Variants in NEURL2 observed in about 807,000 individuals in gnomAD.
NEURL2 encodes the protein neuralized-like protein 2.
In NEURL2, 16 loss-of-function variants were observed where a neutral mutation model predicts 15.9. The observed-to-expected ratio is 1.01, with a 90% CI of 0.68 to 1.53. The LOEUF (loss-of-function observed/expected upper bound fraction) is 1.53, where lower values mean the gene tolerates loss of function less well. Among genes scored for constraint, NEURL2 ranks in the 40% most tolerant of loss-of-function variants. NEURL2 has a pLI of 0.00. For synonymous variants in NEURL2, 188 were observed against 178.3 expected, an observed-to-expected ratio of 1.05 and a Z score of -0.43; for missense variants, 393 against 407.8, an observed-to-expected ratio of 0.96 and a Z score of 0.31.
At position 45,889,249 on chromosome 20, in the gene NEURL2, A is replaced by G. The variant is rs147976936; in HGVS notation, c.743-376T>C. Among the ~76,000 whole-genome samples the G allele has an allele frequency of 3.3e-3, 505 of 152,332 alleles. 4 individuals are homozygous for G. The highest frequency in any genetic ancestry group is 4.1e-3 in the Non-Finnish European group (277 of 68,024). On this transcript the variant is annotated intron_variant, in intron 1 of 1. Coordinates refer to ENST00000372518, the MANE Select transcript of NEURL2 (RefSeq NM_080749.4). ...TATAACTGCAATGCTTACCAGGGCT[A>G]TAATGAATCATACTCAGCATTAAGA...
intron 1 of NEURL2, 184 bp downstream of exon 1, chr20:45,890,066 A>G: frequency 1.6e-6 from 1 of 636,590 alleles, no homozygotes; most frequent in Non-Finnish European, 2.7e-6. Flanking sequence ...CAAGATAGGT[A>G]CCAAGGCCCA....
chr20:45,890,433 G>A lies in NEURL2; in HGVS notation c.559C>T (p.Arg187Cys). 1.2e-6 allele frequency: 2 copies of A among 1,610,570 alleles called. No homozygotes were observed. The highest frequency in any genetic ancestry group is 1.7e-6 in the Non-Finnish European group (2 of 1,178,544). Residue 187 changes from arginine (R) to cysteine (C), a missense_variant, in exon 1 of 2, where the codon CGT (arginine) becomes TGT (cysteine). Transcript: ENST00000372518. ...CAAAAGAGGACACCCAGGCGGCTAC[G>A]GCGCGCGGTCGGAGGCAGCACGTTC... ...ELNVLPPTARRSRLGVLFCPR... is the reference protein window; with the variant it reads ...ELNVLPPTARCSRLGVLFCPR...
rs758984311 is a variant in NEURL2 at position 45,890,437 on chromosome 20, C to T, written c.555G>A (p.Ala185=). 2.9e-5 allele frequency: 46 copies of T among 1,609,602 alleles called. 2 individuals are homozygous for T. The South Asian group carries it at 3.6e-4, about 13-fold the overall frequency. ...LYELNVLPPT[A]RRSRLGVLFC... is the part of the protein sequence containing the mutation. ...AGAGGACACCCAGGCGGCTACGGCG[C>T]GCGGTCGGAGGCAGCACGTTCAGCT... The change falls in exon 1 of 2, where the codon GCG becomes GCA. Residue 185 remains alanine (A), a synonymous_variant. Transcript: ENST00000372518.
chr20:45,890,198 G>C, intron 1 of NEURL2, 52 bp downstream of exon 1: 1 of 1,607,644 alleles, frequency 6.2e-7, no homozygotes, highest in Non-Finnish European at 8.5e-7. Context: ...AGCCCTAGTA[G>C]ATTCCAGTCC....
In NEURL2 at chr20:45,890,632, G is replaced by A. The variant is rs1986740953; in HGVS notation, c.360C>T (p.Asn120=). The A allele has an allele frequency of 1.2e-6, 2 of 1,613,150 alleles. No homozygotes were observed. The highest frequency in any genetic ancestry group is 1.7e-5 in the Admixed American group (1 of 59,980). The change falls in exon 1 of 2, where the codon AAC becomes AAT. Residue 120 remains asparagine, a synonymous_variant. Coordinates refer to ENST00000372518, the MANE Select transcript of NEURL2 (RefSeq NM_080749.4). The part of the protein sequence containing the change: ...TWVFAITRHH[N]RVPREGRPEA... ...CCGGGCGGCCCTCCCGGGGCACGCGGTTGTGGTGGCGCGTGATGGCGAAGA... is the reference window on the plus strand; with the variant it reads ...CCGGGCGGCCCTCCCGGGGCACGCGATTGTGGTGGCGCGTGATGGCGAAGA...
chr20:45,889,777 C>T (rs1986660983), intron 1 of NEURL2, among the ~76,000 whole-genome samples: 2 of 152,132 alleles, frequency 1.3e-5, no homozygotes, highest in African/African-American at 4.8e-5. Context: ...CCACACCCAG[C>T]TACTTTTTGT....
intron 1 of NEURL2, 65 bp downstream of exon 1, chr20:45,890,185 C>A (rs1171463644): frequency 1.9e-6 from 3 of 1,587,144 alleles, no homozygotes; most frequent in Non-Finnish European, 2.6e-6. Context: ...ACATGGGCTA[C>A]GGAGCCCTAG....
At position 45,891,177 on chromosome 20, in the gene NEURL2, A is replaced by G. The variant is rs970948938; in HGVS notation, c.-186T>C. ...CAACTTAGCCGTCCACAACAGGATC[A>G]TCTGATCGCGTGCGCCCGGGCTACG... On this transcript the variant is annotated 5_prime_UTR_variant, in exon 1 of 2. The change abolishes an upstream ATG in the 5' untranslated region. Transcript: ENST00000372518. The surrounding 1 kb of genome is among the most constrained non-coding windows in gnomAD (Gnocchi z 4.6). The G allele has an allele frequency of 7.1e-5, 73 of 1,034,056 alleles. No homozygotes were observed. The African/African-American group carries it at 8.7e-4, about 12-fold the overall frequency. 64.1% of individuals were successfully genotyped at this position (1,034,056 alleles called of 1,614,324 possible). A position where few individuals can be genotyped will look rare whatever the true frequency, so the allele number is the denominator to read the frequency against.
rs530672133 is a variant in NEURL2, at chr20:45,890,451, G to A, written c.541C>T (p.Leu181=). The A allele has an allele frequency of 1.7e-5, 28 of 1,606,886 alleles. No homozygotes were observed. In the South Asian group the frequency reaches 2.4e-4, roughly 14 times the overall value. The change falls in exon 1 of 2, where the codon CTG becomes TTG. Residue 181 remains leucine (L), a synonymous_variant. Coordinates refer to ENST00000372518, the MANE Select transcript of NEURL2 (RefSeq NM_080749.4). ...LLDQLYELNV[L]PPTARRSRLG... ...CGGCTACGGCGCGCGGTCGGAGGCA[G>A]CACGTTCAGCTCATAGAGCTGGTCC... is the stretch of plus-strand genomic sequence containing the variant.
In NEURL2 at chr20:45,890,250, A is replaced by G. The variant is rs1986694237; in HGVS notation, c.742T>C (p.Leu248=). 6.2e-7 allele frequency: 1 copy of G among 1,613,760 alleles called. No individual in the cohort carries two copies. Among genetic ancestry groups the G allele is most frequent in the Non-Finnish European group, 8.5e-7 (1 of 1,180,034 alleles). The part of the protein sequence containing the change: ...SVRLVQLEYG[L]PSLQTLCRLV... ...GGGGTCGCTGCCCAGGGATACCTAC[A>G]GCCATACTCGAGCTGGACAAGGCGC... The change falls in exon 1 of 2, where the codon TTG becomes CTG. Residue 248 remains leucine (L), a splice_region_variant and synonymous_variant. Coordinates refer to ENST00000372518, the MANE Select transcript of NEURL2 (RefSeq NM_080749.4).
rs775665320 is a variant in NEURL2 at position 45,890,807 on chromosome 20, G to A, written c.185C>T (p.Pro62Leu). Residue 62 changes from proline to leucine, a missense_variant, in exon 1 of 2, where the codon CCG (proline) becomes CTG (leucine). Pro to Leu is a moderately conservative substitution (Grantham distance 98). Coordinates refer to ENST00000372518, the MANE Select transcript of NEURL2 (RefSeq NM_080749.4). The part of the protein sequence containing the change: ...GVCFSREPLA[P>L]GQVFLVEIEE... ...GATCTCGACCAGGAAGACCTGGCCC[G>A]GGGCCAGCGGCTCGCGGCTGAAGCA... The A allele has an allele frequency of 1.6e-5, 25 of 1,592,264 alleles. No individual in the cohort carries two copies. In the South Asian group the frequency reaches 2.2e-4, roughly 14 times the overall value.
chr20:45,889,222 G>C (rs553446872), intron 1 of NEURL2, among the ~76,000 whole-genome samples: 24 of 152,282 alleles, frequency 1.6e-4, no homozygotes, highest in African/African-American at 5.5e-4. Flanking sequence ...TGTGATGAGA[G>C]GTATAACTGC....
At position 45,890,381 on chromosome 20, in the gene NEURL2, A is replaced by G. The variant is rs142373830; in HGVS notation, c.611T>C (p.Met204Thr). ...FCPRPDGTAD[M>T]HIIINGEDMG... is the part of the protein sequence containing the mutation. ...GTCCTCGCCGTTGATGATGATGTGC[A>G]TGTCGGCCGTGCCATCGGGGCGCGG... Residue 204 changes from methionine to threonine, a missense_variant, in exon 1 of 2, where the codon ATG becomes ACG. By Grantham distance (81) the Met-to-Thr change is moderately conservative. Transcript: ENST00000372518. The G allele has an allele frequency of 2.4e-4, 389 of 1,612,830 alleles. 1 individual carries two copies. The African/African-American group carries it at 4.1e-3, about 17-fold the overall frequency.
chr20:45,891,126 C>A lies in NEURL2; in HGVS notation c.-135G>T. Reference sequence around the variant, plus strand: ...CCGAGCCTCTGCCCGGGGGTCCTAGCGCCGCTTTCTCAGCCATCCCGCCTA... The same window carrying A: ...CCGAGCCTCTGCCCGGGGGTCCTAGAGCCGCTTTCTCAGCCATCCCGCCTA... On this transcript the variant is annotated 5_prime_UTR_variant, in exon 1 of 2. Coordinates refer to ENST00000372518, the MANE Select transcript of NEURL2 (RefSeq NM_080749.4). The surrounding 1 kb of genome is among the most constrained non-coding windows in gnomAD (Gnocchi z 4.6). The A allele has an allele frequency of 1.8e-6, 2 of 1,084,640 alleles. No homozygotes were observed. The highest frequency in any genetic ancestry group is 1.3e-6 in the Non-Finnish European group (1 of 763,234). 67.2% of individuals were successfully genotyped at this position (1,084,640 alleles called of 1,614,324 possible).
chr20:45,889,211 A>G (rs966128923), intron 1 of NEURL2, among the ~76,000 whole-genome samples: 18 of 152,186 alleles, frequency 1.2e-4, no homozygotes, highest in African/African-American at 4.3e-4. Context: ...AGTTCATGAA[A>G]TGTGATGAGA....
intron 1 of NEURL2, among the ~76,000 whole-genome samples, chr20:45,889,693 A>G (rs1986656034): frequency 7.0e-6 from 1 of 143,174 alleles, no homozygotes; most frequent in Non-Finnish European, 1.5e-5. Context: ...GGCTCATTGC[A>G]ACCTCCACCT....
At position 45,890,440 on chromosome 20, in the gene NEURL2, G is replaced by A. The variant is rs371582207; in HGVS notation, c.552C>T (p.Thr184=). 6.2e-7 allele frequency: 1 copy of A among 1,609,360 alleles called. No homozygotes were observed. The highest frequency in any genetic ancestry group is 2.2e-5 in the East Asian group (1 of 44,834). The change falls in exon 1 of 2, where the codon ACC becomes ACT. Residue 184 remains threonine, a synonymous_variant. Transcript: ENST00000372518. ...QLYELNVLPP[T]ARRSRLGVLF... ...GGACACCCAGGCGGCTACGGCGCGC[G>A]GTCGGAGGCAGCACGTTCAGCTCAT... is the stretch of plus-strand genomic sequence containing the variant.
In NEURL2 at chr20:45,888,875, T is replaced by C. The variant is rs1353725250; in HGVS notation, c.743-2A>G. Reference sequence around the variant, plus strand: ...GGCACAGAGTCTGCAGGGATGGCACTGTGGGAAGAAGACTGTGAAAGGCAA... The same window carrying C: ...GGCACAGAGTCTGCAGGGATGGCACCGTGGGAAGAAGACTGTGAAAGGCAA... On this transcript the variant is annotated splice_acceptor_variant, in intron 1 of 1. Transcript: ENST00000372518. LOFTEE classifies it high-confidence loss of function. 6.2e-7 allele frequency: 1 copy of C among 1,614,086 alleles called. No individual in the cohort carries two copies. The highest frequency in any genetic ancestry group is 2.2e-5 in the East Asian group (1 of 44,878).
rs370061686 is a variant in NEURL2, at chr20:45,890,601, C to T, written c.391G>A (p.Glu131Lys). The T allele has an allele frequency of 1.4e-5, 22 of 1,612,432 alleles. No individual in the cohort carries two copies. The highest frequency in any genetic ancestry group is 1.6e-4 in the Middle Eastern group (1 of 6,080). The change falls in exon 1 of 2, where the codon GAG becomes AAG. Residue 131 changes from glutamate to lysine, a missense_variant. Physicochemically the swap from Glu to Lys is moderately conservative, Grantham distance 56. Coordinates refer to ENST00000372518, the MANE Select transcript of NEURL2 (RefSeq NM_080749.4). Reference protein sequence around the residue: ...RVPREGRPEAEAAAPSRPPTL... With the variant: ...RVPREGRPEAKAAAPSRPPTL... Reference sequence around the variant, plus strand: ...GGAGGTCGGCTGGGGGCCGCTGCCTCCGCCTCCGGGCGGCCCTCCCGGGGC... The same window carrying T: ...GGAGGTCGGCTGGGGGCCGCTGCCTTCGCCTCCGGGCGGCCCTCCCGGGGC...
Sources: allele counts gnomAD v4.1 joint callset (sites outside exome capture counted in the v4.1 genomes callset), GRCh38; gene constraint gnomAD v4.1.1; non-coding constraint Gnocchi (gnomAD v3.1); transcripts MANE v1.5; gene names NCBI Gene and HGNC (gene_info 2026-07-23, HGNC 2026-07-21).